The following NAA35 variants were observed in gnomAD, a reference collection of about 807,000 sequenced individuals.
NAA35 encodes the protein MAK10 homolog, amino-acid N-acetyltransferase subunit.
In NAA35, 18 loss-of-function variants were observed where a neutral mutation model predicts 101.7. That is an observed-to-expected ratio of 0.18 (90% CI 0.12 to 0.26). The LOEUF (loss-of-function observed/expected upper bound fraction) is 0.26, where lower values mean the gene tolerates loss of function less well. Among genes scored for constraint, NAA35 ranks in the 10% least tolerant of loss-of-function variants. The pLI, the probability that NAA35 is intolerant of heterozygous loss-of-function variation, is 1.00. For missense variants in NAA35, 601 were observed against 886.8 expected (o/e 0.68, Z 4.09); for synonymous variants, 267 against 273.1 (o/e 0.98, Z 0.22).
chr9:85,958,631 C>CT (rs1178746516), intron 4 of NAA35, 45 bp downstream of exon 4: 2 of 1,284,196 alleles, frequency 1.6e-6, no homozygotes, highest in South Asian at 1.3e-5. Flanking sequence ...TCTTTTGTTA[C>CT]TTCCTGTTAA....
chr9:86,015,233 C>T (rs1015746574), intron 17 of NAA35, among the ~76,000 whole-genome samples: 2 of 152,064 alleles, frequency 1.3e-5, no homozygotes, highest in African/African-American at 2.4e-5. Context: ...GATAAATACT[C>T]CATTACACAT....
chr9:86,024,822 GA>G lies in NAA35; in HGVS notation c.*2863del, dbSNP rs1173658796. 1.3e-5 allele frequency among the ~76,000 whole-genome samples: 2 copies of G among 152,132 alleles called. No homozygotes were observed. Among genetic ancestry groups the G allele is most frequent in the African/African-American group, 2.4e-5 (1 of 41,434 alleles). Reference sequence around the variant, plus strand: ...GGCAGGTAGTTTGGTCTCAAACTGGGAGGTGCCATCTGGGGTGGAGATGAAC... The same window carrying G: ...GGCAGGTAGTTTGGTCTCAAACTGGGGGTGCCATCTGGGGTGGAGATGAAC... On this transcript the variant is annotated 3_prime_UTR_variant, in exon 23 of 23. Coordinates refer to ENST00000361671, the MANE Select transcript of NAA35 (RefSeq NM_024635.4).
chr9:86,009,812 G>T, intron 14 of NAA35, 53 bp from the exon 15 acceptor site: 1 of 1,391,006 alleles, frequency 7.2e-7, no homozygotes, highest in Non-Finnish European at 1.0e-6. Flanking sequence ...AGTAATTGCT[G>T]CTGCTTTTGT....
chr9:85,962,872 G>A (rs1302606424), intron 6 of NAA35, among the ~76,000 whole-genome samples: 3 of 152,122 alleles, frequency 2.0e-5, no homozygotes, highest in Non-Finnish European at 2.9e-5. Context: ...ATATTTTAGG[G>A]TATAGACATT....
chr9:86,003,621 G>A lies in NAA35; in HGVS notation c.1093G>A (p.Val365Ile). 1 of 1,596,228 alleles carries A rather than the reference G, an allele frequency of 6.3e-7. No individual in the cohort carries two copies. Among genetic ancestry groups the A allele is most frequent in the Non-Finnish European group, 8.6e-7 (1 of 1,169,202 alleles). The stretch of plus-strand genomic sequence containing the variant: ...TGAATTTAGTGAACAGTCACCATGT[G>A]TTCTTTCAAGATCTCTGTTACAAGT... ...FCEFSEQSPCVLSRSLLQTTF... is the reference protein window; with the variant it reads ...FCEFSEQSPCILSRSLLQTTF... Residue 365 changes from valine (V) to isoleucine (I), a missense_variant, in exon 13 of 23, where the codon GTT becomes ATT. Physicochemically the swap from Val to Ile is conservative, Grantham distance 29. Coordinates refer to ENST00000361671, the MANE Select transcript of NAA35 (RefSeq NM_024635.4).
chr9:85,973,233 G>A (rs975696222), intron 6 of NAA35, among the ~76,000 whole-genome samples: 3 of 152,208 alleles, frequency 2.0e-5, no homozygotes, highest in African/African-American at 4.8e-5. Context: ...GGGAGACCGG[G>A]CCATGTGATG....
At chr9:85,954,620 A>T (rs533730575) in intron 2 of NAA35, among the ~76,000 whole-genome samples, 4 of 152,102 alleles carry the variant, frequency 2.6e-5, no homozygotes, top group African/African-American at 4.8e-5. Flanking sequence ...ATTGAAGAAA[A>T]TTTTTGTCTT....
chr9:85,973,196 T>C (rs1485982702), intron 6 of NAA35, among the ~76,000 whole-genome samples: 1 of 152,088 alleles, frequency 6.6e-6, no homozygotes, highest in Non-Finnish European at 1.5e-5. Context: ...GCAGTGAATG[T>C]GAAGTGGTAG....
chr9:85,958,340 T>C (rs1459510281), intron 3 of NAA35, 132 bp from the exon 4 acceptor site: 3 of 522,572 alleles, frequency 5.7e-6, no homozygotes, highest in Non-Finnish European at 1.0e-5. Context: ...ATAGAAGTGT[T>C]AGCAAGTTGA....
chr9:85,950,874 C>T (rs935197557), intron 2 of NAA35, among the ~76,000 whole-genome samples: 19 of 152,228 alleles, frequency 1.2e-4, no homozygotes, highest in Admixed American at 1.0e-3. Flanking sequence ...CGGTGGCTCA[C>T]GCCTGTAATC....
chr9:86,005,343 T>TTA (rs1339627439), intron 13 of NAA35, among the ~76,000 whole-genome samples: 1 of 152,130 alleles, frequency 6.6e-6, no homozygotes, highest in Non-Finnish European at 1.5e-5. Flanking sequence ...TTCCTAAACC[T>TTA]GATAAAGGAC....
chr9:86,018,327 T>C lies in NAA35; in HGVS notation c.1846T>C (p.Tyr616His). The change falls in exon 20 of 23, where the codon TAT (tyrosine) becomes CAT (histidine). Residue 616 changes from tyrosine (Y) to histidine (H), a missense_variant. Transcript: ENST00000361671. ...TGAGCTTGATAGTGAACAAGTTCGG[T>C]ATGAACACAGGTTTGCTCCATTCAA... ...KFELDSEQVR[Y>H]EHRFAPFNSV... The C allele has an allele frequency of 6.2e-7, 1 of 1,614,046 alleles. No homozygotes were observed. Among genetic ancestry groups the C allele is most frequent in the Non-Finnish European group, 8.5e-7 (1 of 1,179,952 alleles).
intron 11 of NAA35, among the ~76,000 whole-genome samples, chr9:85,986,235 T>C (rs1281690839): frequency 6.6e-6 from 1 of 152,246 alleles, no homozygotes; most frequent in Non-Finnish European, 1.5e-5. Flanking sequence ...AGAATGCATA[T>C]GAAAATTAAA....
intron 6 of NAA35, among the ~76,000 whole-genome samples, chr9:85,967,656 G>A (rs1218999250): frequency 1.3e-5 from 2 of 151,976 alleles, no homozygotes; most frequent in African/African-American, 4.8e-5. Context: ...CAAAAAATTA[G>A]CCAGGCATGG....
At position 86,022,066 on chromosome 9, in the gene NAA35, T is replaced by TG. The variant is rs1832587368; in HGVS notation, c.*109dup. On this transcript the variant is annotated 3_prime_UTR_variant, in exon 23 of 23. Transcript: ENST00000361671. ...ATCACGGGAAGTGAGATGGATTTCT[T>TG]GGGTAACAACTCATTATAAGGAATA... 1 of 822,810 alleles carries TG rather than the reference T, an allele frequency of 1.2e-6. No homozygotes were observed. Among genetic ancestry groups the TG allele is most frequent in the East Asian group, 2.6e-5 (1 of 37,976 alleles). 51.0% of individuals were successfully genotyped at this position (822,810 alleles called of 1,614,324 possible).
intron 1 of NAA35, chr9:85,941,871 A>G: frequency 8.9e-7 from 1 of 1,120,164 alleles, no homozygotes; most frequent in South Asian, 3.5e-5. Context: ...TTTTCGGGCC[A>G]GAGGTGAGAT....
rs116031170 is a variant in NAA35 at position 85,995,720 on chromosome 9, C to T, written c.878-679C>T. Among the ~76,000 whole-genome samples, 985 of 152,192 alleles carry T rather than the reference C, an allele frequency of 6.5e-3. 8 individuals are homozygous for T. The highest frequency in any genetic ancestry group is 0.033 in the South Asian group (160 of 4,818). On this transcript the variant is annotated intron_variant, in intron 11 of 22. Coordinates refer to ENST00000361671, the MANE Select transcript of NAA35 (RefSeq NM_024635.4). ...AATTCTTATTCATGTATCATTTTAG[C>T]GATATACTCCCTCATTTGAGATTTC...
At position 86,022,002 on chromosome 9, in the gene NAA35, T is replaced by C; in HGVS notation, c.*42T>C. On this transcript the variant is annotated 3_prime_UTR_variant, in exon 23 of 23. Coordinates refer to ENST00000361671, the MANE Select transcript of NAA35 (RefSeq NM_024635.4). ...GGCCATAAAGGGGCAGAGTCTTCTT[T>C]CAGACCCAACTCTTAGAGGGCACAT... 1 of 1,517,466 alleles carries C rather than the reference T, an allele frequency of 6.6e-7. No homozygotes were observed. The highest frequency in any genetic ancestry group is 9.1e-7 in the Non-Finnish European group (1 of 1,095,920). 94.0% of individuals were successfully genotyped at this position (1,517,466 alleles called of 1,614,324 possible).
intron 8 of NAA35, among the ~76,000 whole-genome samples, chr9:85,976,009 T>A (rs1830193779): frequency 6.6e-6 from 1 of 152,184 alleles, no homozygotes; most frequent in Non-Finnish European, 1.5e-5. Context: ...TCAAACTTCA[T>A]ATTCTCTTTT....
Sources: gnomAD v4.1 joint callset for allele counts (sites outside exome capture counted in the v4.1 genomes callset) on GRCh38, gnomAD v4.1.1 for gene constraint, MANE v1.5 for transcripts, NCBI Gene and HGNC (gene_info 2026-07-23, HGNC 2026-07-21) for gene names.